MYO3B: variants seen among roughly 807,000 people sequenced by gnomAD.
The protein encoded by MYO3B is myosin IIIB.
Under a neutral mutation model 174.6 loss-of-function variants are expected in MYO3B, and 156 were observed. The ratio of observed to expected loss-of-function variants is 0.89; its 90% confidence interval spans 0.78 to 1.02. The LOEUF is 1.02. Ranked by LOEUF, MYO3B falls within the 50% of genes least tolerant of loss-of-function variation. The probability of loss-of-function intolerance (pLI) is 0.00; values close to 1 mark genes in which losing one functional copy is unlikely to be tolerated. For missense variants in MYO3B, 1,632 were observed against 1,639.4 expected (o/e 1.00, Z 0.08); for synonymous variants, 563 against 569.1 (o/e 0.99, Z 0.15).
chr2:170,212,391 A>G (rs1323562181), intron 3 of MYO3B, among the ~76,000 whole-genome samples: 1 of 152,106 alleles, frequency 6.6e-6, no homozygotes, highest in African/African-American at 2.4e-5. Flanking sequence ...ACATTTTAAT[A>G]TGGGGGGGCA....
At position 170,589,401 on chromosome 2, in the gene MYO3B, A is replaced by G. The variant is rs555923047; in HGVS notation, c.3733+45413A>G. Among the ~76,000 whole-genome samples, 18 of 152,332 alleles carry G rather than the reference A, an allele frequency of 1.2e-4. No homozygotes were observed. In the East Asian group the frequency reaches 2.3e-3, roughly 20 times the overall value. ...AGGTGTTTCAGAAGGCATTGTTGTC[A>G]TAGGAGATGACAGATCCGTGCATAT... On this transcript the variant is annotated intron_variant, in intron 32 of 34. Coordinates refer to ENST00000408978, the MANE Select transcript of MYO3B (RefSeq NM_138995.5).
chr2:170,542,322 A>G (rs937134326), intron 30 of MYO3B, among the ~76,000 whole-genome samples: 19 of 152,256 alleles, frequency 1.2e-4, no homozygotes, highest in African/African-American at 4.6e-4. Context: ...ACTTTGTTCC[A>G]TGAAGCATTA....
chr2:170,335,981 A>G (rs80276945), intron 8 of MYO3B, among the ~76,000 whole-genome samples: 1 of 152,140 alleles, frequency 6.6e-6, no homozygotes, highest in Admixed American at 6.6e-5. Flanking sequence ...GAAGGCCAAG[A>G]TGATGGTGTG....
At chr2:170,413,997 G>A (rs1020707733) in intron 22 of MYO3B, among the ~76,000 whole-genome samples, 6 of 151,856 alleles carry the variant, frequency 4.0e-5, no homozygotes, top group African/African-American at 7.3e-5. Context: ...CCGAGATCAC[G>A]CCACTACACT....
At chr2:170,395,570 G>A (rs188668623) in intron 16 of MYO3B, among the ~76,000 whole-genome samples, 31 of 152,220 alleles carry the variant, frequency 2.0e-4, no homozygotes, top group Middle Eastern at 6.8e-3. Context: ...TATGACTCGG[G>A]AGTCTTGAGG....
intron 32 of MYO3B, among the ~76,000 whole-genome samples, chr2:170,562,486 C>T (rs1457095320): frequency 1.3e-5 from 2 of 151,562 alleles, no homozygotes. Context: ...CGACAAAACC[C>T]AAAAATAACA....
intron 29 of MYO3B, among the ~76,000 whole-genome samples, 190 bp downstream of exon 29, chr2:170,515,212 G>A (rs1195353262): frequency 1.3e-5 from 2 of 152,166 alleles, no homozygotes; most frequent in East Asian, 3.8e-4. Context: ...TTTCATAGAA[G>A]GGAATAGAAT....
At chr2:170,612,539 G>T (rs1315319650) in intron 32 of MYO3B, among the ~76,000 whole-genome samples, 3 of 152,122 alleles carry the variant, frequency 2.0e-5, no homozygotes, top group Non-Finnish European at 4.4e-5. Flanking sequence ...TCCCCAGTGT[G>T]TAGAACAAAG....
At chr2:170,530,871 A>G (rs1000017227) in intron 30 of MYO3B, among the ~76,000 whole-genome samples, 7 of 152,322 alleles carry the variant, frequency 4.6e-5, no homozygotes, top group East Asian at 1.9e-4. Flanking sequence ...GATTTAGTAT[A>G]TTAGCCTGCA....
At chr2:170,573,235 A>G (rs1692562725) in intron 32 of MYO3B, among the ~76,000 whole-genome samples, 1 of 150,078 alleles carries the variant, frequency 6.7e-6, no homozygotes, top group South Asian at 2.1e-4. Context: ...GTGTATATAT[A>G]TATATATATA....
At chr2:170,461,700 T>A (rs1166519315) in intron 23 of MYO3B, among the ~76,000 whole-genome samples, 1 of 151,126 alleles carries the variant, frequency 6.6e-6, no homozygotes, top group African/African-American at 2.4e-5. Context: ...TGCTTGAATC[T>A]GGCAGATGGT....
chr2:170,235,863 T>G, intron 6 of MYO3B, 128 bp from the exon 7 acceptor site: 1 of 1,079,674 alleles, frequency 9.3e-7, no homozygotes, highest in Non-Finnish European at 1.4e-6. Context: ...GCACACATCT[T>G]ATTACTGGAA....
intron 3 of MYO3B, among the ~76,000 whole-genome samples, chr2:170,212,552 A>G (rs887926828): frequency 1.3e-5 from 2 of 152,186 alleles, no homozygotes; most frequent in African/African-American, 4.8e-5. Flanking sequence ...GTTCCACCAA[A>G]ACGGGGTTTT....
At chr2:170,537,165 C>T (rs1319277042) in intron 30 of MYO3B, among the ~76,000 whole-genome samples, 18 of 146,052 alleles carry the variant, frequency 1.2e-4, no homozygotes, top group African/African-American at 3.8e-4. Flanking sequence ...CGTGCCACTG[C>T]GCTCCAGCCC....
chr2:170,576,400 C>T (rs1692783376), intron 32 of MYO3B, among the ~76,000 whole-genome samples: 1 of 152,192 alleles, frequency 6.6e-6, no homozygotes, highest in Non-Finnish European at 1.5e-5. Flanking sequence ...GCATTGCTGC[C>T]AGAATGAAGA....
intron 32 of MYO3B, among the ~76,000 whole-genome samples, chr2:170,629,357 T>C (rs2105372731): frequency 6.6e-6 from 1 of 152,204 alleles, no homozygotes; most frequent in South Asian, 2.1e-4. Flanking sequence ...GGCTACAGAG[T>C]CTTAGATCTT....
At chr2:170,380,557 C>T (rs146271662) in intron 9 of MYO3B, among the ~76,000 whole-genome samples, 1,561 of 152,216 alleles carry the variant, frequency 0.01, 28 homozygotes, top group African/African-American at 0.034. Context: ...CCTCCTAAAC[C>T]GCATTGAGGA....
intron 23 of MYO3B, among the ~76,000 whole-genome samples, chr2:170,452,160 C>T (rs1575001384): frequency 6.6e-6 from 1 of 151,926 alleles, no homozygotes; most frequent in East Asian, 1.9e-4. Flanking sequence ...TAAAGGCTTT[C>T]CCATAATGCA....
intron 32 of MYO3B, among the ~76,000 whole-genome samples, chr2:170,633,720 T>C (rs867717853): frequency 3.5e-4 from 53 of 152,328 alleles, no homozygotes; most frequent in African/African-American, 1.2e-3. Flanking sequence ...GAAAACCCCA[T>C]TGTCTCAGCC....
Sources: gnomAD v4.1 joint callset for allele counts (sites outside exome capture counted in the v4.1 genomes callset) on GRCh38, gnomAD v4.1.1 for gene constraint, MANE v1.5 for transcripts, NCBI Gene and HGNC (gene_info 2026-07-23, HGNC 2026-07-21) for gene names.